The following CLK3 variants were observed in gnomAD, a reference collection of about 807,000 sequenced individuals.
CLK3 encodes CDC like kinase 3.
A neutral mutation model predicts 65.2 loss-of-function variants in CLK3; 24 were observed. The observed-to-expected ratio is 0.37, with a 90% CI of 0.27 to 0.52. CLK3 has a LOEUF of 0.52. Ranked by LOEUF, CLK3 falls within the 20% of genes least tolerant of loss-of-function variation. The probability of loss-of-function intolerance (pLI) is 0.92; values close to 1 mark genes in which losing one functional copy is unlikely to be tolerated. For synonymous variants in CLK3, 252 were observed against 240.8 expected, an observed-to-expected ratio of 1.05 and a Z score of -0.43; for missense variants, 506 against 660.0, an observed-to-expected ratio of 0.77 and a Z score of 2.56.
At position 74,620,039 on chromosome 15, in the gene CLK3, C is replaced by T; in HGVS notation, c.183C>T (p.Tyr61=). Residue 61 remains tyrosine (Y), a synonymous_variant, in exon 3 of 13, where the codon TAC becomes TAT. Transcript: ENST00000395066. ...ACCGCCTGCCCTACCAGAGGAGGTA[C>T]CGGGAGCGCCGTGACAGCGATACAT... ...SHDRLPYQRR[Y]RERRDSDTYR... is the part of the protein sequence containing the mutation. 1.2e-6 allele frequency: 2 copies of T among 1,614,160 alleles called. No homozygotes were observed. Among genetic ancestry groups the T allele is most frequent in the Non-Finnish European group, 1.7e-6 (2 of 1,180,026 alleles).
chr15:74,616,020 C>G (rs2062056372), intron 1 of CLK3, 122 bp downstream of exon 1: 2 of 790,280 alleles, frequency 2.5e-6, no homozygotes. Flanking sequence ...CCTCTTCGGC[C>G]CATATCGGGC....
In CLK3 at chr15:74,622,373, AAG is replaced by A; in HGVS notation, c.467-118_467-117del. On this transcript the variant is annotated intron_variant, in intron 4 of 12. Coordinates refer to ENST00000395066, the MANE Select transcript of CLK3 (RefSeq NM_001130028.2). The surrounding 1 kb of genome is among the most constrained non-coding windows in gnomAD (Gnocchi z 4.6). ...ACAGACACTAGCAACTTCCATTTTT[AAG>A]AGTGTAGCAGTGAGAGAGAAACCTT... 1 of 1,053,074 alleles carries A rather than the reference AAG, an allele frequency of 9.5e-7. No homozygotes were observed. Among genetic ancestry groups the A allele is most frequent in the Non-Finnish European group, 1.4e-6 (1 of 704,476 alleles). 65.2% of individuals were successfully genotyped at this position (1,053,074 alleles called of 1,614,324 possible). A position where few individuals can be genotyped will look rare whatever the true frequency, so the allele number is the denominator to read the frequency against.
Position 74,615,907 on chromosome 15 carries a change from G to C in CLK3, c.-1+9G>C. 8.0e-7 allele frequency: 1 copy of C among 1,250,104 alleles called. No homozygotes were observed. The highest frequency in any genetic ancestry group is 3.5e-5 in the South Asian group (1 of 28,982). 77.4% of individuals were successfully genotyped at this position (1,250,104 alleles called of 1,614,324 possible). ...CCGGAGCCTGGGAGACGGTAAGTGT[G>C]GGCTGGGGTCCGCGGCGGCGACAGC... On this transcript the variant is annotated intron_variant, in intron 1 of 12. Transcript: ENST00000395066.
intron 5 of CLK3, among the ~76,000 whole-genome samples, chr15:74,623,053 C>G (rs774342691): frequency 6.6e-6 from 1 of 152,206 alleles, no homozygotes; most frequent in Non-Finnish European, 1.5e-5. Context: ...CAGGCTGCTG[C>G]CTTCTTCAGT....
At chr15:74,619,829 G>A in intron 2 of CLK3, 180 bp from the exon 3 acceptor site, 1 of 912,590 alleles carries the variant, frequency 1.1e-6, no homozygotes, top group South Asian at 1.8e-5. Flanking sequence ...CGTTGGACAG[G>A]GCTCTGGAGG....
At chr15:74,623,159 A>G (rs189762937) in intron 5 of CLK3, among the ~76,000 whole-genome samples, 1 of 152,340 alleles carries the variant, frequency 6.6e-6, no homozygotes, top group African/African-American at 2.4e-5. Flanking sequence ...CCCAAGCCCA[A>G]CAGTACAATA....
Position 74,624,768 on chromosome 15 carries a change from A to T in CLK3, c.534-134A>T. ...TGGTGTTGCATGGGGCAGGCTGGGC[A>T]TCCAGTATCTGCTCTCTTCAGTGCC... is the stretch of plus-strand genomic sequence containing the variant. On this transcript the variant is annotated intron_variant, in intron 5 of 12. Transcript: ENST00000395066. The surrounding 1 kb of genome is among the most constrained non-coding windows in gnomAD (Gnocchi z 4.2). 1 of 669,338 alleles carries T rather than the reference A, an allele frequency of 1.5e-6. No homozygotes were observed. Among genetic ancestry groups the T allele is most frequent in the East Asian group, 2.7e-5 (1 of 36,492 alleles). 41.5% of individuals were successfully genotyped at this position (669,338 alleles called of 1,614,324 possible).
rs1208215943 is a variant in CLK3, at chr15:74,621,563, T to C, written c.370-557T>C. ...GGCAGCTGTCAGGCATGTGCAAGTC[T>C]GCGTGGGCGAACAGAGGCAGGCAAG... On this transcript the variant is annotated intron_variant, in intron 3 of 12. Transcript: ENST00000395066. The surrounding 1 kb of genome is among the most constrained non-coding windows in gnomAD (Gnocchi z 4.8). 1 of 196,888 alleles carries C rather than the reference T, an allele frequency of 5.1e-6. No homozygotes were observed. The highest frequency in any genetic ancestry group is 1.1e-5 in the Non-Finnish European group (1 of 92,844). The allele number at this position is 196,888 out of a possible 1,614,324, so 12.2% of individuals were successfully genotyped here.
Position 74,624,570 on chromosome 15 carries a change from G to C in CLK3, c.534-332G>C, listed in dbSNP as rs953648129. ...TTGGGGCTGCCTGGCCTATAGGTTAGGTCACTGTGTGAGCTCTTGGACTGG... is the reference window on the plus strand; with the variant it reads ...TTGGGGCTGCCTGGCCTATAGGTTACGTCACTGTGTGAGCTCTTGGACTGG... On this transcript the variant is annotated intron_variant, in intron 5 of 12. Coordinates refer to ENST00000395066, the MANE Select transcript of CLK3 (RefSeq NM_001130028.2). The surrounding 1 kb of genome is among the most constrained non-coding windows in gnomAD (Gnocchi z 4.2). The C allele has an allele frequency of 3.0e-6, 1 of 332,438 alleles. No homozygotes were observed. The highest frequency in any genetic ancestry group is 2.1e-5 in the African/African-American group (1 of 48,680). The allele number at this position is 332,438 out of a possible 1,614,324, so 20.6% of individuals were successfully genotyped here.
At chr15:74,609,578 C>T (rs940501283) in intron 1 of CLK3, among the ~76,000 whole-genome samples, 10 of 152,250 alleles carry the variant, frequency 6.6e-5, no homozygotes, top group African/African-American at 2.4e-4. Context: ...TGTGGGGCTG[C>T]CCCTGCCAGC....
At position 74,621,513 on chromosome 15, in the gene CLK3, G is replaced by A. The variant is rs1782409190; in HGVS notation, c.370-607G>A. The stretch of plus-strand genomic sequence containing the variant: ...AATCTGGCCAAGGATGCCGTCTGGA[G>A]GCAGGTAGCAGCTTGGCTGTGAGTG... On this transcript the variant is annotated intron_variant, in intron 3 of 12. Transcript: ENST00000395066. This position sits in a 1 kb window ranked among gnomAD's most constrained non-coding sequence, Gnocchi z 4.8. 6.0e-6 allele frequency: 1 copy of A among 165,408 alleles called. No homozygotes were observed. Among genetic ancestry groups the A allele is most frequent in the Admixed American group, 5.7e-5 (1 of 17,472 alleles). 10.2% of individuals were successfully genotyped at this position (165,408 alleles called of 1,614,324 possible). A position where few individuals can be genotyped will look rare whatever the true frequency, so the allele number is the denominator to read the frequency against.
intron 1 of CLK3, among the ~76,000 whole-genome samples, chr15:74,610,141 C>A (rs2061969989): frequency 6.6e-6 from 1 of 152,262 alleles, no homozygotes; most frequent in Non-Finnish European, 1.5e-5. Context: ...CTTGGGGGAT[C>A]CCCAGGCTGG....
chr15:74,609,241 G>C (rs2061953551), intron 1 of CLK3, among the ~76,000 whole-genome samples: 2 of 152,198 alleles, frequency 1.3e-5, no homozygotes, highest in Non-Finnish European at 2.9e-5. Flanking sequence ...CACTTCCTCT[G>C]GGTCTCAGCC....
In CLK3 at chr15:74,619,252, G is replaced by A. The variant is rs148159573; in HGVS notation, c.56G>A (p.Arg19Gln). 12 of 1,614,082 alleles carry A rather than the reference G, an allele frequency of 7.4e-6. No homozygotes were observed. The highest frequency in any genetic ancestry group is 1.0e-5 in the Non-Finnish European group (12 of 1,180,042). The part of the protein sequence containing the change: ...SPEPDPYLSY[R>Q]WKRRRSYSRE... Reference sequence around the variant, plus strand: ...GAACCAGACCCGTACCTGAGCTACCGATGGAAGAGGAGGAGGTCCTACAGT... The same window carrying A: ...GAACCAGACCCGTACCTGAGCTACCAATGGAAGAGGAGGAGGTCCTACAGT... The change falls in exon 2 of 13, where the codon CGA becomes CAA. Residue 19 changes from arginine to glutamine, a missense_variant. By Grantham distance (43) the Arg-to-Gln change is conservative. Around this residue, in one of 2 missense-constraint regions of CLK3, gnomAD observed 181 missense variants for 159.4 expected, o/e 1.14. Transcript: ENST00000395066.
Position 74,615,904 on chromosome 15 carries a change from T to C in CLK3, c.-1+6T>C, listed in dbSNP as rs964162286. ...CAGCCGGAGCCTGGGAGACGGTAAGTGTGGGCTGGGGTCCGCGGCGGCGAC... is the reference window on the plus strand; with the variant it reads ...CAGCCGGAGCCTGGGAGACGGTAAGCGTGGGCTGGGGTCCGCGGCGGCGAC... On this transcript the variant is annotated splice_donor_region_variant and intron_variant, in intron 1 of 12. Transcript: ENST00000395066. 4 of 1,251,762 alleles carry C rather than the reference T, an allele frequency of 3.2e-6. No homozygotes were observed. Among genetic ancestry groups the C allele is most frequent in the Non-Finnish European group, 3.0e-6 (3 of 999,012 alleles). The allele number at this position is 1,251,762 out of a possible 1,614,324, so 77.5% of individuals were successfully genotyped here.
Position 74,629,779 on chromosome 15 carries a change from C to T in CLK3, c.1369C>T (p.Pro457Ser). The T allele has an allele frequency of 6.2e-7, 1 of 1,613,716 alleles. No individual in the cohort carries two copies. Among genetic ancestry groups the T allele is most frequent in the Non-Finnish European group, 8.5e-7 (1 of 1,179,820 alleles). The change falls in exon 13 of 13, where the codon CCT becomes TCT. Residue 457 changes from proline (P) to serine (S), a missense_variant. Physicochemically the swap from Pro to Ser is moderately conservative, Grantham distance 74. Coordinates refer to ENST00000395066, the MANE Select transcript of CLK3 (RefSeq NM_001130028.2). ...GATGAGGAGGATGTTAGAATTTGAC[C>T]CTGCCCAGCGCATCACACTGGCCGA... is the stretch of plus-strand genomic sequence containing the variant. ...DLMRRMLEFD[P>S]AQRITLAEAL... is the part of the protein sequence containing the mutation.
At chr15:74,625,391 T>C (rs1461107693) in intron 6 of CLK3, among the ~76,000 whole-genome samples, 1 of 152,138 alleles carries the variant, frequency 6.6e-6, no homozygotes, top group African/African-American at 2.4e-5. Flanking sequence ...CCTGGGCAGA[T>C]GGGTGAATCC....
At chr15:74,618,794 C>A (rs1596286513) in intron 1 of CLK3, among the ~76,000 whole-genome samples, 1 of 152,244 alleles carries the variant, frequency 6.6e-6, no homozygotes, top group Non-Finnish European at 1.5e-5. Flanking sequence ...AGAGCATTCA[C>A]TTCACGGGAC....
Position 74,628,013 on chromosome 15 carries a change from C to T in CLK3, c.1086C>T (p.Cys362=). 4.3e-6 allele frequency: 7 copies of T among 1,613,902 alleles called. No individual in the cohort carries two copies. The highest frequency in any genetic ancestry group is 5.9e-6 in the Non-Finnish European group (7 of 1,179,774). The change falls in exon 10 of 13, where the codon TGC becomes TGT. Residue 362 remains cysteine, a synonymous_variant. Coordinates refer to ENST00000395066, the MANE Select transcript of CLK3 (RefSeq NM_001130028.2). ...AQPCDVWSIG[C]ILFEYYRGFT... is the part of the protein sequence containing the mutation. ...CCTGTGACGTCTGGAGCATTGGCTG[C>T]ATTCTCTTTGAGTACTACCGGGGCT...
Sources: gnomAD v4.1 joint callset for allele counts (sites outside exome capture counted in the v4.1 genomes callset) on GRCh38, gnomAD v4.1.1 for gene constraint, gnomAD v4.1.1 regional missense constraint, Gnocchi (gnomAD v3.1) non-coding constraint, MANE v1.5 for transcripts, NCBI Gene and HGNC (gene_info 2026-07-23, HGNC 2026-07-21) for gene names.